Variants in ITFG1 observed in about 807,000 individuals in gnomAD.
ITFG1 encodes T-cell immunomodulatory protein.
Under a neutral mutation model 81.8 loss-of-function variants are expected in ITFG1, and 34 were observed. The observed-to-expected ratio is 0.42, with a 90% CI of 0.32 to 0.55. ITFG1 has a LOEUF of 0.55. Ranked by LOEUF, ITFG1 falls within the 20% of genes least tolerant of loss-of-function variation. ITFG1 has a pLI of 0.17. For synonymous variants in ITFG1, 285 were observed against 270.6 expected (o/e 1.05, Z -0.52); for missense variants, 672 against 755.4 (o/e 0.89, Z 1.29).
At chr16:47,326,911 A>T (rs1411738537) in intron 8 of ITFG1, among the ~76,000 whole-genome samples, 1 of 152,222 alleles carries the variant, frequency 6.6e-6, no homozygotes, top group Admixed American at 6.5e-5. Flanking sequence ...AAGGTAATTT[A>T]TAGATTCAAT....
intron 14 of ITFG1, among the ~76,000 whole-genome samples, chr16:47,181,537 G>A (rs1311822155): frequency 1.5e-4 from 19 of 128,382 alleles, no homozygotes; most frequent in South Asian, 2.5e-4. Context: ...CAGCCTCCCC[G>A]TCTGGCAGGG....
At chr16:47,285,044 C>T (rs1966864256) in intron 10 of ITFG1, among the ~76,000 whole-genome samples, 1 of 152,110 alleles carries the variant, frequency 6.6e-6, no homozygotes, top group African/African-American at 2.4e-5. Flanking sequence ...TTTCTTCCAC[C>T]ATTCCTGGCT....
rs372899993 is a variant in ITFG1, at chr16:47,373,764, G to A, written c.720+2112C>T. Among the ~76,000 whole-genome samples, 22 of 152,210 alleles carry A rather than the reference G, an allele frequency of 1.4e-4. 1 individual carries two copies. The South Asian group carries it at 4.6e-3, about 32-fold the overall frequency. The stretch of plus-strand genomic sequence containing the variant: ...CTGTAACTGCCAGAGCACTACCATG[G>A]GGCTGTACATGCAACTGATATGTAA... On this transcript the variant is annotated intron_variant, in intron 7 of 17. Coordinates refer to ENST00000320640, the MANE Select transcript of ITFG1 (RefSeq NM_030790.5).
At chr16:47,293,522 A>G (rs931076783) in intron 10 of ITFG1, among the ~76,000 whole-genome samples, 1 of 151,978 alleles carries the variant, frequency 6.6e-6, no homozygotes, top group African/African-American at 2.4e-5. Flanking sequence ...ATCTATTATT[A>G]TAGAGTTTTT....
At chr16:47,165,802 T>C (rs749502006) in intron 14 of ITFG1, among the ~76,000 whole-genome samples, 5 of 151,942 alleles carry the variant, frequency 3.3e-5, no homozygotes, top group Non-Finnish European at 7.4e-5. Flanking sequence ...GCTGTGATTG[T>C]ACCACTGCAC....
chr16:47,345,575 A>T (rs1967843015), intron 8 of ITFG1, among the ~76,000 whole-genome samples: 1 of 152,196 alleles, frequency 6.6e-6, no homozygotes, highest in Admixed American at 6.5e-5. Flanking sequence ...CTGGAATTAC[A>T]GGCATCAGCC....
At chr16:47,375,244 C>G (rs1306383886) in intron 7 of ITFG1, among the ~76,000 whole-genome samples, 1 of 152,050 alleles carries the variant, frequency 6.6e-6, no homozygotes, top group East Asian at 1.9e-4. Flanking sequence ...ACTGTGATGG[C>G]CAGTTTGGTC....
At chr16:47,296,671 G>A (rs1966986735) in intron 10 of ITFG1, among the ~76,000 whole-genome samples, 2 of 152,168 alleles carry the variant, frequency 1.3e-5, no homozygotes, top group African/African-American at 4.8e-5. Flanking sequence ...CCTGACCTCA[G>A]GTGATCCACT....
At chr16:47,316,709 C>A (rs954897248) in intron 8 of ITFG1, among the ~76,000 whole-genome samples, 1 of 152,126 alleles carries the variant, frequency 6.6e-6, no homozygotes, top group South Asian at 2.1e-4. Flanking sequence ...ATTTGCATAT[C>A]TTTTAAATCT....
intron 14 of ITFG1, among the ~76,000 whole-genome samples, chr16:47,187,924 C>G (rs1473310636): frequency 6.6e-6 from 1 of 151,784 alleles, no homozygotes; most frequent in Non-Finnish European, 1.5e-5. Context: ...AAGAAAAAAA[C>G]AAACAACCAC....
intron 10 of ITFG1, among the ~76,000 whole-genome samples, chr16:47,262,104 A>G (rs1007594248): frequency 1.3e-5 from 2 of 152,252 alleles, no homozygotes; most frequent in African/African-American, 4.8e-5. Flanking sequence ...ATAGAAACCA[A>G]TGTACCAAAT....
At chr16:47,442,289 C>G (rs994055129) in intron 5 of ITFG1, among the ~76,000 whole-genome samples, 1 of 152,120 alleles carries the variant, frequency 6.6e-6, no homozygotes, top group African/African-American at 2.4e-5. Flanking sequence ...CCATCCCCAT[C>G]AAACTACCAA....
At chr16:47,307,093 C>CA (rs371103697) in intron 10 of ITFG1, among the ~76,000 whole-genome samples, 7,150 of 16,422 alleles carry the variant, frequency 0.44, 3,251 homozygotes, top group Non-Finnish European at 0.47. Context: ...AACTCCGTCT[C>CA]AAAAAAAAAA....
chr16:47,311,051 A>G (rs538301701), intron 10 of ITFG1, among the ~76,000 whole-genome samples, 189 bp downstream of exon 10: 1 of 152,116 alleles, frequency 6.6e-6, no homozygotes, highest in African/African-American at 2.4e-5. Flanking sequence ...AATCTGTGAA[A>G]AAAAAAAAAA....
intron 5 of ITFG1, among the ~76,000 whole-genome samples, chr16:47,436,288 T>C (rs1261094178): frequency 6.6e-6 from 1 of 152,104 alleles, no homozygotes. Flanking sequence ...AGTATAATAA[T>C]AATAAAATTA....
intron 8 of ITFG1, among the ~76,000 whole-genome samples, chr16:47,338,344 G>T (rs1967736164): frequency 6.6e-6 from 1 of 152,044 alleles, no homozygotes; most frequent in Non-Finnish European, 1.5e-5. Flanking sequence ...GGAGGTGGAG[G>T]TTACAGTGAG....
chr16:47,424,736 C>T (rs2151608116), intron 6 of ITFG1, among the ~76,000 whole-genome samples: 1 of 152,270 alleles, frequency 6.6e-6, no homozygotes, highest in East Asian at 1.9e-4. Context: ...CACTCCAGAC[C>T]CTGTTTGCCT....
intron 13 of ITFG1, among the ~76,000 whole-genome samples, chr16:47,226,992 G>A (rs1427902211): frequency 2.0e-5 from 3 of 152,108 alleles, no homozygotes; most frequent in Non-Finnish European, 2.9e-5. Context: ...TATATCTAAT[G>A]TAAAGAAAAG....
At chr16:47,253,280 A>C (rs1220783555) in intron 12 of ITFG1, among the ~76,000 whole-genome samples, 1 of 152,240 alleles carries the variant, frequency 6.6e-6, no homozygotes, top group Non-Finnish European at 1.5e-5. Context: ...TATAAAACTG[A>C]AAATAGCAGA....
Sources: allele counts gnomAD v4.1 joint callset (sites outside exome capture counted in the v4.1 genomes callset), GRCh38; gene constraint gnomAD v4.1.1; transcripts MANE v1.5; gene names NCBI Gene and HGNC (gene_info 2026-07-23, HGNC 2026-07-21).